The following FANCD2 variants were observed in gnomAD, a reference collection of about 807,000 sequenced individuals.
The protein encoded by FANCD2 is Fanconi anemia group D2 protein.
FANCD2 carries 131 observed loss-of-function variants against 192.3 expected under a neutral mutation model. The observed-to-expected ratio is 0.68, with a 90% CI of 0.59 to 0.79. FANCD2 has a LOEUF of 0.79. FANCD2 is among the 30% of genes least tolerant of loss of function. The pLI is 0.00. For synonymous variants in FANCD2, 524 were observed against 612.5 expected (o/e 0.86, Z 2.13); for missense variants, 1,508 against 1,701.6 (o/e 0.89, Z 2.00).
At chr3:10,031,330 C>G (rs35480406) in intron 2 of FANCD2, among the ~76,000 whole-genome samples, 20 of 152,070 alleles carry the variant, frequency 1.3e-4, no homozygotes, top group African/African-American at 4.6e-4. Flanking sequence ...GGTGAAACCC[C>G]GTCTCTACTA....
At chr3:10,049,305 G>T in intron 16 of FANCD2, 69 bp from the exon 17 acceptor site, 2 of 1,421,264 alleles carry the variant, frequency 1.4e-6, no homozygotes, top group South Asian at 1.2e-5. Context: ...GAGGCCTTGG[G>T]GGTGAATCCC....
chr3:10,075,617 G>A (rs1308283215), intron 29 of FANCD2, among the ~76,000 whole-genome samples: 1 of 151,978 alleles, frequency 6.6e-6, no homozygotes, highest in Non-Finnish European at 1.5e-5. Flanking sequence ...CTTTTGAGAT[G>A]GGATTTCATC....
chr3:10,075,493 T>C (rs955390981), intron 29 of FANCD2, among the ~76,000 whole-genome samples: 1 of 152,152 alleles, frequency 6.6e-6, no homozygotes, highest in African/African-American at 2.4e-5. Flanking sequence ...CCCATAGCTT[T>C]ATTGATGCCA....
At chr3:10,069,482 T>TCCCCCC (rs1221877221) in intron 26 of FANCD2, among the ~76,000 whole-genome samples, 1 of 43,048 alleles carries the variant, frequency 2.3e-5, no homozygotes, top group South Asian at 7.5e-4. Context: ...CCCCTCCCCC[T>TCCCCCC]CCCCCTCTCC....
intron 26 of FANCD2, among the ~76,000 whole-genome samples, chr3:10,069,273 A>G (rs1163774694): frequency 6.6e-6 from 1 of 152,222 alleles, no homozygotes; most frequent in Non-Finnish European, 1.5e-5. Flanking sequence ...AGGGACTAAT[A>G]ACTGGAATAT....
At chr3:10,030,012 C>G (rs1311230283) in intron 2 of FANCD2, among the ~76,000 whole-genome samples, 1 of 152,014 alleles carries the variant, frequency 6.6e-6, no homozygotes, top group Non-Finnish European at 1.5e-5. Flanking sequence ...GTCTGGAACT[C>G]CTGACCTCAA....
intron 26 of FANCD2, among the ~76,000 whole-genome samples, chr3:10,070,223 C>G (rs1004826435): frequency 1.3e-5 from 2 of 148,944 alleles, no homozygotes. Flanking sequence ...CCCCTCTGCC[C>G]GGCAGCCGCC....
At chr3:10,032,410 A>G in intron 2 of FANCD2, 1 of 301,282 alleles carries the variant, frequency 3.3e-6, no homozygotes, top group South Asian at 2.7e-5. Flanking sequence ...CCTCCGAAGT[A>G]GCTGGGACTA....
chr3:10,045,136 C>T (rs9815335), intron 14 of FANCD2, among the ~76,000 whole-genome samples: 19,878 of 147,820 alleles, frequency 0.13, 2,246 homozygotes, highest in African/African-American at 0.32. Flanking sequence ...CCTGAATACA[C>T]GCCCAATGTT....
At position 10,032,962 on chromosome 3, in the gene FANCD2, G is replaced by C. The variant is rs36084488; in HGVS notation, c.195G>C (p.Gln65His). The stretch of plus-strand genomic sequence containing the variant: ...TTATTCTTAAAACGGGAGAGAGTCA[G>C]AATCAACTAGGTAATATTTTAATCT... The part of the protein sequence containing the change: ...SGIILKTGES[Q>H]NQLAVDQIAF... The change falls in exon 3 of 44, where the codon CAG (glutamine) becomes CAC (histidine). Residue 65 changes from glutamine (Q) to histidine (H), a missense_variant. By Grantham distance (24) the Gln-to-His change is conservative. This residue lies in a region of FANCD2 where 435 missense variants were observed against 421.9 expected (regional missense o/e 1.03). Transcript: ENST00000675286. 1.8e-3 allele frequency: 2,902 copies of C among 1,575,196 alleles called. 31 individuals are homozygous for C. The African/African-American group carries it at 0.022, about 12-fold the overall frequency.
chr3:10,035,964 T>C (rs2086717372), intron 6 of FANCD2, among the ~76,000 whole-genome samples: 1 of 152,186 alleles, frequency 6.6e-6, no homozygotes, highest in Admixed American at 6.5e-5. Context: ...ATTAAGTCTT[T>C]GTATTCCAAT....
At chr3:10,076,276 G>A (rs1410932103) in intron 29 of FANCD2, among the ~76,000 whole-genome samples, 1 of 145,322 alleles carries the variant, frequency 6.9e-6, no homozygotes, top group Non-Finnish European at 1.5e-5. Flanking sequence ...AAATTCCCTT[G>A]AATTAGTCTT....
rs774597445 is a variant in FANCD2 at position 10,065,385 on chromosome 3, C to A, written c.2169-9C>A. On this transcript the variant is annotated splice_polypyrimidine_tract_variant and intron_variant, in intron 23 of 43. Transcript: ENST00000675286. ...AAGTGTGGTCTAGAAATTTATTTCTCCTTCTCAGATTGGTGTCTCCGCTGT... is the reference window on the plus strand; with the variant it reads ...AAGTGTGGTCTAGAAATTTATTTCTACTTCTCAGATTGGTGTCTCCGCTGT... The A allele has an allele frequency of 1.3e-6, 2 of 1,593,382 alleles. No homozygotes were observed. Among genetic ancestry groups the A allele is most frequent in the Non-Finnish European group, 1.7e-6 (2 of 1,161,056 alleles).
intron 33 of FANCD2, 57 bp from the exon 34 acceptor site, chr3:10,087,077 A>G (rs550914405): frequency 1.3e-6 from 2 of 1,597,580 alleles, no homozygotes; most frequent in African/African-American, 1.3e-5. Flanking sequence ...GGATTTAAAT[A>G]TATCTGTGAC....
rs2287435 is a variant in FANCD2 at position 10,090,218 on chromosome 3, G to C, written c.3684-74G>C. 7 of 1,072,566 alleles carry C rather than the reference G, an allele frequency of 6.5e-6. No individual in the cohort carries two copies. The African/African-American group carries it at 1.1e-4, about 17-fold the overall frequency. The allele number at this position is 1,072,566 out of a possible 1,614,324, so 66.4% of individuals were successfully genotyped here. A position where few individuals can be genotyped will look rare whatever the true frequency, so the allele number is the denominator to read the frequency against. On this transcript the variant is annotated intron_variant, in intron 36 of 43. Coordinates refer to ENST00000675286, the MANE Select transcript of FANCD2 (RefSeq NM_001018115.3). ...AGAGGTAGGGAAGGAAGCTACTTTT[G>C]GTTCCTGGTTCTTCCCAGGTAGTTC...
At chr3:10,033,850 A>G (rs1336810776) in intron 3 of FANCD2, among the ~76,000 whole-genome samples, 1 of 151,290 alleles carries the variant, frequency 6.6e-6, no homozygotes, top group Non-Finnish European at 1.5e-5. Context: ...GGCGCCCGCC[A>G]CCATGCCTGA....
intron 26 of FANCD2, among the ~76,000 whole-genome samples, chr3:10,069,217 C>T (rs1026501810): frequency 2.6e-5 from 4 of 151,992 alleles, no homozygotes; most frequent in African/African-American, 9.7e-5. Flanking sequence ...AGTGAAGAGA[C>T]AGCCCACAGA....
chr3:10,067,840 G>T (rs1305354421), intron 26 of FANCD2, among the ~76,000 whole-genome samples: 2 of 152,096 alleles, frequency 1.3e-5, no homozygotes, highest in Non-Finnish European at 2.9e-5. Context: ...GGCCAAATGG[G>T]ATGATTTATC....
intron 20 of FANCD2, among the ~76,000 whole-genome samples, chr3:10,062,479 T>C (rs1383160264): frequency 2.6e-5 from 4 of 152,088 alleles, no homozygotes; most frequent in African/African-American, 9.7e-5. Flanking sequence ...TGAACTCAAG[T>C]GATCCACCTG....
Sources: gnomAD v4.1 joint callset for allele counts (sites outside exome capture counted in the v4.1 genomes callset) on GRCh38, gnomAD v4.1.1 for gene constraint, gnomAD v4.1.1 regional missense constraint, MANE v1.5 for transcripts, NCBI Gene and HGNC (gene_info 2026-07-23, HGNC 2026-07-21) for gene names.